Variants in KCNQ1 observed in about 807,000 individuals in gnomAD.
The protein encoded by KCNQ1 is potassium voltage-gated channel subfamily KQT member 1.
KCNQ1 carries 49 observed loss-of-function variants against 72.4 expected under a neutral mutation model. The observed-to-expected ratio is 0.68, with a 90% CI of 0.54 to 0.86. KCNQ1 has a LOEUF of 0.86. Ranked by LOEUF, KCNQ1 falls within the 40% of genes least tolerant of loss-of-function variation. The probability of loss-of-function intolerance (pLI) is 0.00; values close to 1 mark genes in which losing one functional copy is unlikely to be tolerated. For missense variants in KCNQ1, 790 were observed against 945.1 expected (o/e 0.84, Z 2.15); for synonymous variants, 450 against 412.6 (o/e 1.09, Z -1.10).
chr11:2,489,343 G>A (rs1014414276), intron 1 of KCNQ1, among the ~76,000 whole-genome samples: 5 of 152,154 alleles, frequency 3.3e-5, no homozygotes, highest in African/African-American at 1.2e-4. Context: ...CAGCACAGAG[G>A]GAGCATTTAA....
intron 1 of KCNQ1, among the ~76,000 whole-genome samples, chr11:2,503,381 C>T (rs561131693): frequency 1.5e-4 from 23 of 152,178 alleles, no homozygotes; most frequent in African/African-American, 5.3e-4. Flanking sequence ...AGACATTTCT[C>T]GAAAGAAGAC....
chr11:2,737,932 G>A (rs1845986315), intron 11 of KCNQ1, among the ~76,000 whole-genome samples: 1 of 152,124 alleles, frequency 6.6e-6, no homozygotes, highest in African/African-American at 2.4e-5. Flanking sequence ...GGCACACCTG[G>A]GGGCACAGAA....
At position 2,746,544 on chromosome 11, in the gene KCNQ1, G is replaced by T. The variant is rs1473731680; in HGVS notation, c.1515-22300G>T. On this transcript the variant is annotated intron_variant, in intron 11 of 15. Coordinates refer to ENST00000155840, the MANE Select transcript of KCNQ1 (RefSeq NM_000218.3). The surrounding 1 kb of genome is among the most constrained non-coding windows in gnomAD (Gnocchi z 5.9). ...TGGTGACCTGGACGGTTCAGAGGAGGACAGGTCAGGTGTTTGTAGGGTGTC... is the reference window on the plus strand; with the variant it reads ...TGGTGACCTGGACGGTTCAGAGGAGTACAGGTCAGGTGTTTGTAGGGTGTC... 6.6e-6 allele frequency among the ~76,000 whole-genome samples: 1 copy of T among 152,198 alleles called. No individual in the cohort carries two copies.
chr11:2,499,288 C>G (rs1326276111), intron 1 of KCNQ1, among the ~76,000 whole-genome samples: 1 of 152,020 alleles, frequency 6.6e-6, no homozygotes, highest in Non-Finnish European at 1.5e-5. Context: ...TCATGGTAAC[C>G]TCAGATCTAA....
At chr11:2,812,742 G>GGGCCCCACGCCCCCGA (rs1245530880) in intron 15 of KCNQ1, among the ~76,000 whole-genome samples, 31 of 152,146 alleles carry the variant, frequency 2.0e-4, no homozygotes, top group Admixed American at 1.2e-3. Context: ...CCATGGCCGT[G>GGGCCCCACGCCCCCGA]GGCCCCACGC....
At chr11:2,823,398 A>G (rs1487838885) in intron 15 of KCNQ1, among the ~76,000 whole-genome samples, 2 of 152,256 alleles carry the variant, frequency 1.3e-5, no homozygotes, top group Non-Finnish European at 1.5e-5. Flanking sequence ...AAGTCACTGC[A>G]GGAAAAAAGT....
intron 10 of KCNQ1, chr11:2,638,013 T>A (rs1408450641): frequency 6.6e-6 from 1 of 152,240 alleles, no homozygotes; most frequent in African/African-American, 2.4e-5. Context: ...CTGCCTTTTT[T>A]TATTTTCCAT....
chr11:2,616,936 CT>C (rs1234054281), intron 10 of KCNQ1: 2 of 395,076 alleles, frequency 5.1e-6, no homozygotes, highest in African/African-American at 4.2e-5. Context: ...TATTGGGCTT[CT>C]GTCTGGCTGT....
rs1378837403 is a variant in KCNQ1 at position 2,477,832 on chromosome 11, A to T, written c.386+32348A>T. Among the ~76,000 whole-genome samples, 3 of 152,098 alleles carry T rather than the reference A, an allele frequency of 2.0e-5. No individual in the cohort carries two copies. Among genetic ancestry groups the T allele is most frequent in the Admixed American group, 6.5e-5 (1 of 15,270 alleles). On this transcript the variant is annotated intron_variant, in intron 1 of 15. Coordinates refer to ENST00000155840, the MANE Select transcript of KCNQ1 (RefSeq NM_000218.3). The surrounding 1 kb of genome is among the most constrained non-coding windows in gnomAD (Gnocchi z 5.0). ...AGAATCTATGCATCCACAGGGACAC[A>T]CCCATGTATATAAACAAATAAGTGG...
rs1414967991 is a variant in KCNQ1 at position 2,621,178 on chromosome 11, A to G, written c.1393+32324A>G. ...TTTTTAGTAGAGACGGGGTTTCACC[A>G]TGTTGGCCAGGATGGTCTCGAATAC... On this transcript the variant is annotated intron_variant, in intron 10 of 15. Coordinates refer to ENST00000155840, the MANE Select transcript of KCNQ1 (RefSeq NM_000218.3). The surrounding 1 kb of genome is among the most constrained non-coding windows in gnomAD (Gnocchi z 5.7). The G allele has an allele frequency of 2.5e-5, 10 of 397,290 alleles. No homozygotes were observed. The highest frequency in any genetic ancestry group is 4.4e-5 in the Admixed American group (1 of 22,676). The allele number at this position is 397,290 out of a possible 1,614,324, so 24.6% of individuals were successfully genotyped here. A position where few individuals can be genotyped will look rare whatever the true frequency, so the allele number is the denominator to read the frequency against.
chr11:2,759,628 T>C lies in KCNQ1; in HGVS notation c.1515-9216T>C, dbSNP rs752068555. ...CTTATTTCCTTATTTTCTTTCCATCTCCACTCCCAGGCAAAGCTGATAAAT... is the reference window on the plus strand; with the variant it reads ...CTTATTTCCTTATTTTCTTTCCATCCCCACTCCCAGGCAAAGCTGATAAAT... On this transcript the variant is annotated intron_variant, in intron 11 of 15. Transcript: ENST00000155840. This position sits in a 1 kb window ranked among gnomAD's most constrained non-coding sequence, Gnocchi z 4.4. Among the ~76,000 whole-genome samples the C allele has an allele frequency of 1.3e-5, 2 of 152,198 alleles. No homozygotes were observed. Among genetic ancestry groups the C allele is most frequent in the Non-Finnish European group, 2.9e-5 (2 of 68,026 alleles).
chr11:2,527,963 TGCTGTCCACCATCGA>T lies in KCNQ1; in HGVS notation c.425_439del (p.Leu142_Glu146del). 1 of 1,614,118 alleles carries T rather than the reference TGCTGTCCACCATCGA, an allele frequency of 6.2e-7. No individual in the cohort carries two copies. Among genetic ancestry groups the T allele is most frequent in the Non-Finnish European group, 8.5e-7 (1 of 1,180,014 alleles). On this transcript the variant is annotated inframe_deletion, in exon 2 of 16. Transcript: ENST00000155840. ...GTCCTGGTCTGCCTCATCTTCAGCG[TGCTGTCCACCATCGA>T]GCAGTATGCCGCCCTGGCCACGGGG...
chr11:2,693,617 TTCGCCCAGCCGTAGGAAAG>T, intron 11 of KCNQ1: 1 of 398,638 alleles, frequency 2.5e-6, no homozygotes, highest in East Asian at 3.6e-5. Flanking sequence ...AAACAAGAGC[TTCGCCCAGCCGTAGGAAAG>T]GCTCTGGGAG....
chr11:2,550,189 C>T lies in KCNQ1; in HGVS notation c.478-20439C>T, dbSNP rs893358222. 2.6e-5 allele frequency among the ~76,000 whole-genome samples: 4 copies of T among 152,244 alleles called. No homozygotes were observed. The highest frequency in any genetic ancestry group is 2.9e-5 in the Non-Finnish European group (2 of 68,038). ...CATCCCGCAGGCAGTGCACGTCCCT[C>T]CCCCGCCTCTCTTTGCCGTTGCCGG... is the stretch of plus-strand genomic sequence containing the variant. On this transcript the variant is annotated intron_variant, in intron 2 of 15. Coordinates refer to ENST00000155840, the MANE Select transcript of KCNQ1 (RefSeq NM_000218.3). The surrounding 1 kb of genome is among the most constrained non-coding windows in gnomAD (Gnocchi z 6.0).
intron 1 of KCNQ1, among the ~76,000 whole-genome samples, chr11:2,467,109 G>A (rs1254309797): frequency 6.6e-6 from 1 of 152,102 alleles, no homozygotes; most frequent in East Asian, 1.9e-4. Context: ...GCAAGCTGTG[G>A]CTGGAGAGCC....
intron 15 of KCNQ1, among the ~76,000 whole-genome samples, chr11:2,798,309 C>T (rs1489737049): frequency 6.6e-6 from 1 of 152,176 alleles, no homozygotes; most frequent in African/African-American, 2.4e-5. Context: ...GAAGACTCCT[C>T]AGCCCCACCT....
In KCNQ1 at chr11:2,720,424, G is replaced by A. The variant is rs748923600; in HGVS notation, c.1515-48420G>A. Among the ~76,000 whole-genome samples, 8 of 152,260 alleles carry A rather than the reference G, an allele frequency of 5.3e-5. No individual in the cohort carries two copies. The highest frequency in any genetic ancestry group is 3.4e-3 in the Middle Eastern group (1 of 294). On this transcript the variant is annotated intron_variant, in intron 11 of 15. Coordinates refer to ENST00000155840, the MANE Select transcript of KCNQ1 (RefSeq NM_000218.3). The surrounding 1 kb of genome is among the most constrained non-coding windows in gnomAD (Gnocchi z 5.1). ...TGGCCCTGCCTGGGGACAGCTGAAGGCCAGGAGGAAGCTGCTGGCCTCAAG... is the reference window on the plus strand; with the variant it reads ...TGGCCCTGCCTGGGGACAGCTGAAGACCAGGAGGAAGCTGCTGGCCTCAAG...
chr11:2,774,950 C>T (rs973758145), intron 12 of KCNQ1, among the ~76,000 whole-genome samples: 7 of 152,188 alleles, frequency 4.6e-5, no homozygotes, highest in East Asian at 1.9e-4. Flanking sequence ...CCCACCAAGC[C>T]GCTTGGCTCG....
chr11:2,749,641 C>CAAAAAAAAAAAAAAA (rs35701102), intron 11 of KCNQ1, among the ~76,000 whole-genome samples: 1 of 87,122 alleles, frequency 1.1e-5, no homozygotes, highest in Non-Finnish European at 2.5e-5. Context: ...ACTAAAAATA[C>CAAAAAAAAAAAAAAA]AAAAAAAAAA....
Sources: allele counts gnomAD v4.1 joint callset (sites outside exome capture counted in the v4.1 genomes callset), GRCh38; gene constraint gnomAD v4.1.1; non-coding constraint Gnocchi (gnomAD v3.1); transcripts MANE v1.5; gene names NCBI Gene and HGNC (gene_info 2026-07-23, HGNC 2026-07-21).